ST3GAL1: variants seen among roughly 807,000 people sequenced by gnomAD.
ST3GAL1 encodes the protein CMP-N-acetylneuraminate-beta-galactosamide-alpha-2,3-sialyltransferase 1.
A neutral mutation model predicts 34.1 loss-of-function variants in ST3GAL1; 16 were observed. That is an observed-to-expected ratio of 0.47 (90% CI 0.32 to 0.71). The LOEUF is 0.71. ST3GAL1 is among the 30% of genes least tolerant of loss of function. The pLI is 0.04. For synonymous variants in ST3GAL1, 191 were observed against 184.7 expected, an observed-to-expected ratio of 1.03 and a Z score of -0.28; for missense variants, 353 against 447.4, an observed-to-expected ratio of 0.79 and a Z score of 1.90.
intron 2 of ST3GAL1, among the ~76,000 whole-genome samples, chr8:133,502,692 G>T (rs1184034819): frequency 6.6e-6 from 1 of 152,180 alleles, no homozygotes; most frequent in Non-Finnish European, 1.5e-5. Flanking sequence ...TCCCCATTTT[G>T]CAGTTGAGGA....
rs74822133 is a variant in ST3GAL1, at chr8:133,548,809, G to A, written c.-581-2883C>T. 3.2e-3 allele frequency among the ~76,000 whole-genome samples: 480 copies of A among 152,246 alleles called. 2 individuals are homozygous for A. The highest frequency in any genetic ancestry group is 0.011 in the African/African-American group (441 of 41,532). Reference sequence around the variant, plus strand: ...GACTGAGACTTCAGAGGTGAGGAAGGGAGCTATATTTTACTTGTCACTAGA... The same window carrying A: ...GACTGAGACTTCAGAGGTGAGGAAGAGAGCTATATTTTACTTGTCACTAGA... On this transcript the variant is annotated intron_variant, in intron 1 of 9. Transcript: ENST00000522652.
At chr8:133,503,848 G>A (rs779490554) in intron 2 of ST3GAL1, among the ~76,000 whole-genome samples, 2 of 152,198 alleles carry the variant, frequency 1.3e-5, no homozygotes, top group African/African-American at 4.8e-5. Flanking sequence ...TGTGAATTAT[G>A]TTTACGATGA....
intron 2 of ST3GAL1, among the ~76,000 whole-genome samples, chr8:133,538,742 C>T (rs1157471873): frequency 6.6e-6 from 1 of 152,194 alleles, no homozygotes; most frequent in Non-Finnish European, 1.5e-5. Flanking sequence ...GCATATTATT[C>T]CATTCTGCGG....
At chr8:133,558,262 T>C (rs1563742622) in intron 1 of ST3GAL1, among the ~76,000 whole-genome samples, 3 of 152,218 alleles carry the variant, frequency 2.0e-5, no homozygotes, top group African/African-American at 7.2e-5. Flanking sequence ...ACAGCATATC[T>C]TTAACAAGGA....
chr8:133,477,168 TC>T (rs1182754114), intron 3 of ST3GAL1, among the ~76,000 whole-genome samples: 1 of 152,208 alleles, frequency 6.6e-6, no homozygotes, highest in East Asian at 1.9e-4. Flanking sequence ...ACCCTCAGTT[TC>T]TTCTTCTGCA....
At chr8:133,496,270 A>T (rs1369295716) in intron 3 of ST3GAL1, among the ~76,000 whole-genome samples, 2 of 152,196 alleles carry the variant, frequency 1.3e-5, no homozygotes, top group African/African-American at 4.8e-5. Flanking sequence ...AGCCCTGCGG[A>T]AAGAGAGACA....
chr8:133,522,814 C>T (rs1817851367), intron 2 of ST3GAL1, among the ~76,000 whole-genome samples: 2 of 152,166 alleles, frequency 1.3e-5, no homozygotes, highest in Admixed American at 1.3e-4. Context: ...CCACCACTAT[C>T]CTCCCTGGAG....
chr8:133,506,731 G>A (rs138436624), intron 2 of ST3GAL1, among the ~76,000 whole-genome samples: 1 of 151,974 alleles, frequency 6.6e-6, no homozygotes, highest in Non-Finnish European at 1.5e-5. Context: ...GTTGCAGTAA[G>A]CCGAGATCGT....
intron 1 of ST3GAL1, among the ~76,000 whole-genome samples, chr8:133,562,794 T>TTCCTTCC (rs1819269516): frequency 8.3e-5 from 9 of 108,564 alleles, no homozygotes; most frequent in African/African-American, 2.9e-4. Flanking sequence ...TCTTTCTTTC[T>TTCCTTCC]TTCCTTCCTT....
At chr8:133,512,535 T>G (rs990775616) in intron 2 of ST3GAL1, among the ~76,000 whole-genome samples, 4 of 152,024 alleles carry the variant, frequency 2.6e-5, no homozygotes, top group Non-Finnish European at 5.9e-5. Flanking sequence ...CTTTTATCAT[T>G]CAATCAAACG....
Position 133,467,239 on chromosome 8 carries a change from T to C in ST3GAL1, c.307-1149A>G, listed in dbSNP as rs541016279. ...AGGACTCTCAGTGCTAAAACCAGGA[T>C]GAGTTGGTATCCCTATTGGCCCCCG... On this transcript the variant is annotated intron_variant, in intron 5 of 9. Transcript: ENST00000522652. The surrounding 1 kb of genome is among the most constrained non-coding windows in gnomAD (Gnocchi z 4.2). 2.6e-5 allele frequency among the ~76,000 whole-genome samples: 4 copies of C among 152,010 alleles called. No individual in the cohort carries two copies. The highest frequency in any genetic ancestry group is 4.4e-5 in the Non-Finnish European group (3 of 67,956).
intron 1 of ST3GAL1, among the ~76,000 whole-genome samples, chr8:133,549,922 A>G (rs1393241688): frequency 6.6e-6 from 1 of 152,204 alleles, no homozygotes; most frequent in Non-Finnish European, 1.5e-5. Context: ...AGATCGTACC[A>G]TTGCGCTCCA....
intron 1 of ST3GAL1, among the ~76,000 whole-genome samples, chr8:133,558,462 A>G (rs1210405720): frequency 2.0e-5 from 3 of 152,226 alleles, no homozygotes; most frequent in East Asian, 1.9e-4. Flanking sequence ...CAAGGAATCA[A>G]TGAAAGACTC....
chr8:133,557,317 G>A lies in ST3GAL1; in HGVS notation c.-581-11391C>T, dbSNP rs1402387399. Among the ~76,000 whole-genome samples, 3 of 152,160 alleles carry A rather than the reference G, an allele frequency of 2.0e-5. No homozygotes were observed. The East Asian group carries it at 5.8e-4, about 29-fold the overall frequency. On this transcript the variant is annotated intron_variant, in intron 1 of 9. Coordinates refer to ENST00000522652, the MANE Select transcript of ST3GAL1 (RefSeq NM_173344.3). ...AGTCAACCAACGCGTGGCACAATGG[G>A]GTCCTCATAGGATATGTGGTACCCA...
Position 133,460,000 on chromosome 8 carries a change from G to C in ST3GAL1, c.850-63C>G. 2.6e-6 allele frequency: 4 copies of C among 1,529,516 alleles called. No homozygotes were observed. Among genetic ancestry groups the C allele is most frequent in the Non-Finnish European group, 3.5e-6 (4 of 1,133,304 alleles). The allele number at this position is 1,529,516 out of a possible 1,614,324, so 94.7% of individuals were successfully genotyped here. ...GGCTGCTGGTGGCACCTCTGAGAAAGGAAGCCTGTAGGCGTTCCTGGAATC... is the reference window on the plus strand; with the variant it reads ...GGCTGCTGGTGGCACCTCTGAGAAACGAAGCCTGTAGGCGTTCCTGGAATC... On this transcript the variant is annotated intron_variant, in intron 9 of 9. Coordinates refer to ENST00000522652, the MANE Select transcript of ST3GAL1 (RefSeq NM_173344.3). This position sits in a 1 kb window ranked among gnomAD's most constrained non-coding sequence, Gnocchi z 4.7.
At chr8:133,509,572 A>G (rs1484514922) in intron 2 of ST3GAL1, among the ~76,000 whole-genome samples, 2 of 152,360 alleles carry the variant, frequency 1.3e-5, no homozygotes, top group Admixed American at 6.5e-5. Flanking sequence ...TGCAAACACC[A>G]TGTGAGGAGA....
intron 1 of ST3GAL1, among the ~76,000 whole-genome samples, chr8:133,558,668 C>T (rs1819129195): frequency 6.6e-6 from 1 of 152,164 alleles, no homozygotes; most frequent in African/African-American, 2.4e-5. Context: ...GAGAAAACCT[C>T]CTTTACTCCA....
intron 2 of ST3GAL1, among the ~76,000 whole-genome samples, chr8:133,504,047 C>T (rs1817261259): frequency 6.6e-6 from 1 of 152,166 alleles, no homozygotes; most frequent in South Asian, 2.1e-4. Context: ...CAGAACTTCA[C>T]TGGGTTCCTG....
chr8:133,473,603 G>A (rs1285255349), intron 5 of ST3GAL1, among the ~76,000 whole-genome samples: 1 of 152,236 alleles, frequency 6.6e-6, no homozygotes, highest in Non-Finnish European at 1.5e-5. Flanking sequence ...GATGGGATGT[G>A]TGTGAAGCCA....
Sources: allele counts gnomAD v4.1 joint callset (sites outside exome capture counted in the v4.1 genomes callset), GRCh38; gene constraint gnomAD v4.1.1; non-coding constraint Gnocchi (gnomAD v3.1); transcripts MANE v1.5; gene names NCBI Gene and HGNC (gene_info 2026-07-23, HGNC 2026-07-21).